HDAC9: variants seen among roughly 807,000 people sequenced by gnomAD.
HDAC9 encodes the protein histone deacetylase 9, also known as MEF-2 interacting transcription repressor (MITR) protein.
Under a neutral mutation model 139.4 loss-of-function variants are expected in HDAC9, and 41 were observed. The observed-to-expected ratio is 0.29, with a 90% CI of 0.23 to 0.38. The LOEUF is 0.38. Ranked by LOEUF, HDAC9 falls within the 10% of genes least tolerant of loss-of-function variation. The pLI is 1.00. For missense variants in HDAC9, 1,147 were observed against 1,297.0 expected (o/e 0.88, Z 1.78); for synonymous variants, 517 against 476.2 (o/e 1.09, Z -1.12).
At chr7:18,794,814 C>G (rs1792639214) in intron 17 of HDAC9, among the ~76,000 whole-genome samples, 1 of 152,124 alleles carries the variant, frequency 6.6e-6, no homozygotes. Flanking sequence ...ATCCAAATGG[C>G]AGAAATCAGC....
At chr7:18,901,121 A>T (rs1468810715) in intron 22 of HDAC9, among the ~76,000 whole-genome samples, 1 of 151,404 alleles carries the variant, frequency 6.6e-6, no homozygotes, top group African/African-American at 2.4e-5. Flanking sequence ...TACTACAGAG[A>T]TTCCCAAAAA....
chr7:18,779,105 C>T (rs912535079), intron 16 of HDAC9, among the ~76,000 whole-genome samples: 12 of 152,020 alleles, frequency 7.9e-5, no homozygotes, highest in Non-Finnish European at 1.6e-4. Flanking sequence ...CTCACCATGA[C>T]TAAAGAAGCT....
intron 2 of HDAC9, among the ~76,000 whole-genome samples, chr7:18,217,865 G>C (rs754190976): frequency 2.6e-5 from 4 of 152,154 alleles, no homozygotes; most frequent in Non-Finnish European, 2.9e-5. Context: ...CTGAGGGTCA[G>C]AAATCTGGGA....
upstream of HDAC9, among the ~76,000 whole-genome samples, chr7:18,289,838 A>G (rs1797696324): frequency 6.6e-6 from 1 of 152,116 alleles, no homozygotes; most frequent in Non-Finnish European, 1.5e-5. Context: ...GAAACAATTC[A>G]TAGCTGCTTC....
Position 18,590,341 on chromosome 7 carries a change from A to C in HDAC9, c.270A>C (p.Gln90His), listed in dbSNP as rs1426230721. 6.2e-7 allele frequency: 1 copy of C among 1,612,512 alleles called. No homozygotes were observed. The highest frequency in any genetic ancestry group is 2.2e-5 in the East Asian group (1 of 44,872). Reference protein sequence around the residue: ...QAQLQEHIKLQQELLAIKQQQ... With the variant: ...QAQLQEHIKLHQELLAIKQQQ... ...TGTCTTTCTCTTCTCGCAAGTTGCA[A>C]CAGGAACTTCTAGCCATAAAACAGC... The change falls in exon 4 of 26, where the codon CAA (glutamine) becomes CAC (histidine). Residue 90 changes from glutamine to histidine, a missense_variant. By Grantham distance (24) the Gln-to-His change is conservative (BLOSUM62 0). Coordinates refer to ENST00000686413, the MANE Select transcript of HDAC9 (RefSeq NM_178425.4).
At chr7:18,672,745 ATTC>A (rs750477727) in intron 12 of HDAC9, among the ~76,000 whole-genome samples, 1 of 152,048 alleles carries the variant, frequency 6.6e-6, no homozygotes, top group African/African-American at 2.4e-5. Context: ...GTTTTTAAAT[ATTC>A]TTCTATGCAT....
intron 1 of HDAC9, among the ~76,000 whole-genome samples, chr7:18,388,052 T>G (rs1368008653): frequency 6.6e-6 from 1 of 152,226 alleles, no homozygotes. Context: ...AGTAAGAATA[T>G]TTTTAAATTA....
chr7:18,327,314 A>G (rs1404692157), intron 1 of HDAC9: 2 of 152,072 alleles, frequency 1.3e-5, no homozygotes, highest in Middle Eastern at 3.4e-3. Flanking sequence ...TTTAGTTTAC[A>G]TATCAGAACC....
At chr7:18,216,139 A>G (rs566459042) in intron 2 of HDAC9, among the ~76,000 whole-genome samples, 1 of 151,850 alleles carries the variant, frequency 6.6e-6, no homozygotes, top group Admixed American at 6.6e-5. Flanking sequence ...TGAGAGAGAG[A>G]GAGAGAGAGA....
chr7:18,347,931 A>G (rs781495824), intron 1 of HDAC9, among the ~76,000 whole-genome samples: 21 of 152,288 alleles, frequency 1.4e-4, no homozygotes, highest in Non-Finnish European at 2.5e-4. Context: ...AAAGTAGATG[A>G]TAAGTATTGA....
intron 2 of HDAC9, among the ~76,000 whole-genome samples, chr7:18,261,123 C>A (rs749832370): frequency 6.7e-6 from 1 of 149,412 alleles, no homozygotes; most frequent in Non-Finnish European, 1.5e-5. Context: ...GGCAACATAA[C>A]GAAACCATGT....
intron 2 of HDAC9, among the ~76,000 whole-genome samples, chr7:18,166,807 C>T (rs151286019): frequency 4.4e-4 from 67 of 152,284 alleles, no homozygotes; most frequent in African/African-American, 1.3e-3. Context: ...AAGTAGGAAA[C>T]TAAAACCAGG....
At chr7:18,652,804 A>C (rs1789735018) in intron 11 of HDAC9, among the ~76,000 whole-genome samples, 1 of 152,156 alleles carries the variant, frequency 6.6e-6, no homozygotes, top group African/African-American at 2.4e-5. Flanking sequence ...TACTTTAATG[A>C]ATTATTAATC....
In HDAC9 at chr7:18,941,863, G is replaced by C. The variant is rs774736616; in HGVS notation, c.2937+5921G>C. ...TATTCAACAAGGCAGAGCCAAATTG[G>C]TTGTGGATTTATTTTTGTTTATATC... On this transcript the variant is annotated intron_variant, in intron 23 of 25. Coordinates refer to ENST00000686413, the MANE Select transcript of HDAC9 (RefSeq NM_178425.4). 2.6e-5 allele frequency among the ~76,000 whole-genome samples: 4 copies of C among 152,230 alleles called. No individual in the cohort carries two copies. The East Asian group carries it at 7.7e-4, about 29-fold the overall frequency.
intron 22 of HDAC9, among the ~76,000 whole-genome samples, chr7:18,930,507 A>C (rs550442866): frequency 6.6e-6 from 1 of 152,138 alleles, no homozygotes; most frequent in South Asian, 2.1e-4. Context: ...GAAACCTTTA[A>C]TATGTCCTGA....
chr7:18,758,640 C>T (rs1312632700), intron 14 of HDAC9, among the ~76,000 whole-genome samples: 2 of 152,112 alleles, frequency 1.3e-5, no homozygotes, highest in Non-Finnish European at 2.9e-5. Flanking sequence ...GGAATTACTC[C>T]AGGAGATCCT....
intron 2 of HDAC9, among the ~76,000 whole-genome samples, chr7:18,172,650 G>T (rs972638805): frequency 2.0e-5 from 3 of 152,158 alleles, no homozygotes; most frequent in Non-Finnish European, 4.4e-5. Flanking sequence ...GGTACATTGT[G>T]TCTTTGTTCT....
At chr7:18,132,219 A>T (rs553560745) in intron 1 of HDAC9, among the ~76,000 whole-genome samples, 1 of 152,114 alleles carries the variant, frequency 6.6e-6, no homozygotes, top group Non-Finnish European at 1.5e-5. Flanking sequence ...TCTTCAGACA[A>T]TGAGTAGCTT....
intron 6 of HDAC9, among the ~76,000 whole-genome samples, chr7:18,602,807 G>A (rs1834345845): frequency 6.6e-6 from 1 of 151,852 alleles, no homozygotes; most frequent in African/African-American, 2.4e-5. Context: ...TCTATTGTGG[G>A]CTGAGAAAAT....
Sources: gnomAD v4.1 joint callset for allele counts (sites outside exome capture counted in the v4.1 genomes callset) on GRCh38, gnomAD v4.1.1 for gene constraint, MANE v1.5 for transcripts, NCBI Gene and HGNC (gene_info 2026-07-23, HGNC 2026-07-21) for gene names.